Variants in ZNF584 observed in about 807,000 individuals in gnomAD.
The protein encoded by ZNF584 is zinc finger protein 584.
ZNF584 carries 12 observed loss-of-function variants against 14.7 expected under a neutral mutation model. That is an observed-to-expected ratio of 0.82 (90% CI 0.52 to 1.32). The LOEUF (loss-of-function observed/expected upper bound fraction) is 1.32. Ranked by LOEUF, ZNF584 falls within the 40% of genes most tolerant of loss-of-function variation. The pLI is 0.00. For synonymous variants in ZNF584, 204 were observed against 190.9 expected (o/e 1.07, Z -0.57); for missense variants, 478 against 518.8 (o/e 0.92, Z 0.76).
intron 3 of ZNF584, chr19:58,416,008 G>T: frequency 1.3e-6 from 2 of 1,554,312 alleles, no homozygotes; most frequent in Non-Finnish European, 1.7e-6. Flanking sequence ...ATCACATTTT[G>T]CTGGGACTAG....
At chr19:58,401,885 CAA>C (rs781429177) in intron 1 of ZNF584, among the ~76,000 whole-genome samples, 4 of 67,032 alleles carry the variant, frequency 6.0e-5, no homozygotes, top group Non-Finnish European at 2.5e-5. Flanking sequence ...TGAGACTCCT[CAA>C]AAAAAAAAAA....
intron 3 of ZNF584, 47 bp from the exon 4 acceptor site, chr19:58,416,764 T>G: frequency 6.6e-7 from 1 of 1,516,058 alleles, no homozygotes; most frequent in Non-Finnish European, 8.8e-7. Flanking sequence ...TTAAGGTACC[T>G]CCTCCCTCTA....
upstream of ZNF584, chr19:58,404,814 GCAGAGGCGCCCC>G (rs2052453476): frequency 5.8e-6 from 1 of 173,640 alleles, no homozygotes; most frequent in Non-Finnish European, 1.2e-5. Flanking sequence ...GGGCGGCCGG[GCAGAGGCGCCCC>G]TCACCTCCCG....
At chr19:58,407,147 A>C (rs1479504190), upstream of ZNF584, 1 of 151,686 alleles carries the variant, frequency 6.6e-6, no homozygotes, top group Non-Finnish European at 1.5e-5. Context: ...AGATCTCTTC[A>C]GGGTCCCTCT....
At chr19:58,403,840 G>A (rs976376756), upstream of ZNF584, among the ~76,000 whole-genome samples, 1 of 151,528 alleles carries the variant, frequency 6.6e-6, no homozygotes, top group Non-Finnish European at 1.5e-5. Flanking sequence ...GTGGTGGCAC[G>A]CGCTTGTCGT....
chr19:58,406,208 G>A (rs10406593), upstream of ZNF584: 47,240 of 157,914 alleles, frequency 0.3, 7,478 homozygotes, highest in African/African-American at 0.42. Flanking sequence ...CCAGTCAGGC[G>A]TGGCGGCACG....
At position 58,410,675 on chromosome 19, in the gene ZNF584, G is replaced by A. The variant is rs867186661; in HGVS notation, c.169+584G>A. On this transcript the variant is annotated intron_variant, in intron 2 of 3. Coordinates refer to ENST00000306910, the MANE Select transcript of ZNF584 (RefSeq NM_173548.3). ...TATATGTGTATATATGTATATATGT[G>A]TATATATATGTATATATGTATATAT... Among the ~76,000 whole-genome samples the A allele has an allele frequency of 1.4e-3, 68 of 48,860 alleles. 10 individuals carry two copies. The highest frequency in any genetic ancestry group is 5.8e-3 in the African/African-American group (31 of 5,352). 32.1% of individuals were successfully genotyped at this position (48,860 alleles called of 152,430 possible). A position where few individuals can be genotyped will look rare whatever the true frequency, so the allele number is the denominator to read the frequency against.
At chr19:58,410,623 G>GTA (rs1406831215) in intron 2 of ZNF584, among the ~76,000 whole-genome samples, 4 of 42,658 alleles carry the variant, frequency 9.4e-5, no homozygotes, top group African/African-American at 4.3e-4. Flanking sequence ...GTGTATATAT[G>GTA]TGTATATATG....
At chr19:58,410,916 C>T (rs185252469) in intron 2 of ZNF584, among the ~76,000 whole-genome samples, 90 of 146,586 alleles carry the variant, frequency 6.1e-4, no homozygotes, top group African/African-American at 2.2e-3. Flanking sequence ...CTCAGTCTCC[C>T]GAGTAGCTGG....
upstream of ZNF584, among the ~76,000 whole-genome samples, chr19:58,407,515 C>T (rs2052483997): frequency 6.6e-6 from 1 of 152,206 alleles, no homozygotes; most frequent in South Asian, 2.1e-4. Context: ...GTGGGGTGTC[C>T]ACTCAGCCAC....
At chr19:58,401,770 CTTAAG>C (rs1462042425) in intron 1 of ZNF584, 1 of 144,970 alleles carries the variant, frequency 6.9e-6, no homozygotes, top group Non-Finnish European at 1.5e-5. Context: ...GCCCCGCGGG[CTTAAG>C]TTGTCTGGGG....
At position 58,416,913 on chromosome 19, in the gene ZNF584, G is replaced by A. The variant is rs760410831; in HGVS notation, c.395G>A (p.Arg132Lys). ...QDTHSEGKPRRHTEHGAAFPP... is the reference protein window; with the variant it reads ...QDTHSEGKPRKHTEHGAAFPP... ...ACTCATAGTGAGGGGAAACCAAGAA[G>A]GCACACTGAGCATGGGGCAGCTTTC... The change falls in exon 4 of 4, where the codon AGG (arginine) becomes AAG (lysine). Residue 132 changes from arginine to lysine, a missense_variant. By Grantham distance (26) the Arg-to-Lys change is conservative (BLOSUM62 2). Transcript: ENST00000306910. 19 of 1,612,814 alleles carry A rather than the reference G, an allele frequency of 1.2e-5. No individual in the cohort carries two copies. Among genetic ancestry groups the A allele is most frequent in the Admixed American group, 1.7e-5 (1 of 59,918 alleles).
At chr19:58,414,995 C>G (rs1466201414) in intron 2 of ZNF584, among the ~76,000 whole-genome samples, 2 of 151,884 alleles carry the variant, frequency 1.3e-5, no homozygotes, top group Non-Finnish European at 2.9e-5. Context: ...CAGGTTCATG[C>G]CATTCTCCTG....
rs141722871 is a variant in ZNF584, at chr19:58,411,667, C to T, written c.169+1576C>T. Among the ~76,000 whole-genome samples, 773 of 151,676 alleles carry T rather than the reference C, an allele frequency of 5.1e-3. 10 individuals are homozygous for T. Among genetic ancestry groups the T allele is most frequent in the Admixed American group, 0.015 (231 of 15,234 alleles). ...TTGATTGCCTTTTCTTTTTTTGAGA[C>T]GGAGTCTTGTTCTGTCGCCAGGCTG... On this transcript the variant is annotated intron_variant, in intron 2 of 3. Transcript: ENST00000306910.
chr19:58,413,985 A>AT (rs34318637), intron 2 of ZNF584, among the ~76,000 whole-genome samples: 41,851 of 149,626 alleles, frequency 0.28, 6,964 homozygotes, highest in Middle Eastern at 0.51. Context: ...CGCCTGGCTA[A>AT]TTTTTTTTTG....
intron 1 of ZNF584, among the ~76,000 whole-genome samples, chr19:58,409,723 A>C (rs1231742842): frequency 1.3e-5 from 2 of 152,168 alleles, no homozygotes; most frequent in African/African-American, 2.4e-5. Context: ...TAACACCAGA[A>C]GCATCAATAA....
chr19:58,417,441 A>C lies in ZNF584; in HGVS notation c.923A>C (p.Lys308Thr). The C allele has an allele frequency of 6.2e-7, 1 of 1,603,438 alleles. No individual in the cohort carries two copies. Among genetic ancestry groups the C allele is most frequent in the Non-Finnish European group, 8.5e-7 (1 of 1,171,296 alleles). The change falls in exon 4 of 4, where the codon AAA becomes ACA. Residue 308 changes from lysine to threonine, a missense_variant. Coordinates refer to ENST00000306910, the MANE Select transcript of ZNF584 (RefSeq NM_173548.3). Reference protein sequence around the residue: ...YECTECGKFFKYNNSFILHQR... With the variant: ...YECTECGKFFTYNNSFILHQR... ...TGTACAGAATGTGGGAAGTTCTTTA[A>C]ATACAATAATAGCTTCATTCTTCAC...
intron 3 of ZNF584, 44 bp downstream of exon 3, chr19:58,415,690 C>T (rs1287390040): frequency 1.9e-6 from 3 of 1,607,810 alleles, no homozygotes; most frequent in Non-Finnish European, 1.7e-6. Context: ...GCAGTGGGCT[C>T]ACAGAATGCT....
intron 2 of ZNF584, among the ~76,000 whole-genome samples, chr19:58,412,404 T>C: frequency 6.6e-6 from 1 of 151,646 alleles, no homozygotes. Context: ...AGAGACGGGG[T>C]TTCACCTTGT....
Sources: gnomAD v4.1 joint callset for allele counts (sites outside exome capture counted in the v4.1 genomes callset) on GRCh38, gnomAD v4.1.1 for gene constraint, MANE v1.5 for transcripts, NCBI Gene and HGNC (gene_info 2026-07-23, HGNC 2026-07-21) for gene names.